Variants in KLF12 observed in about 807,000 individuals in gnomAD.
The protein encoded by KLF12 is Krueppel-like factor 12.
KLF12 carries 9 observed loss-of-function variants against 37.8 expected under a neutral mutation model. That is an observed-to-expected ratio of 0.24 (90% CI 0.14 to 0.42). The LOEUF (loss-of-function observed/expected upper bound fraction) is 0.42. Ranked by LOEUF, KLF12 falls within the 10% of genes least tolerant of loss-of-function variation. The probability of loss-of-function intolerance (pLI) is 1.00; values close to 1 mark genes in which losing one functional copy is unlikely to be tolerated. For synonymous variants in KLF12, 208 were observed against 202.1 expected (o/e 1.03, Z -0.25); for missense variants, 411 against 516.0 (o/e 0.80, Z 1.97).
At chr13:73,784,346 G>T (rs1405354087) in intron 5 of KLF12, among the ~76,000 whole-genome samples, 4 of 151,994 alleles carry the variant, frequency 2.6e-5, no homozygotes, top group Non-Finnish European at 5.9e-5. Context: ...TGACATTAAA[G>T]ACTCTCATGT....
intron 5 of KLF12, among the ~76,000 whole-genome samples, chr13:73,768,139 C>T (rs912114252): frequency 6.6e-6 from 1 of 152,176 alleles, no homozygotes; most frequent in Admixed American, 6.5e-5. Context: ...CGTTTACCAA[C>T]GGTGTCATCT....
intron 3 of KLF12, among the ~76,000 whole-genome samples, chr13:73,881,540 C>G (rs1886978841): frequency 6.6e-6 from 1 of 152,010 alleles, no homozygotes; most frequent in Non-Finnish European, 1.5e-5. Flanking sequence ...ATTTTCTAAT[C>G]TTTTATGTCC....
chr13:74,011,331 T>TA (rs1892546765), intron 1 of KLF12, among the ~76,000 whole-genome samples: 1 of 151,662 alleles, frequency 6.6e-6, no homozygotes, highest in Non-Finnish European at 1.5e-5. Context: ...CTAGAACTGC[T>TA]AGTGGTGATT....
chr13:73,784,525 C>T (rs971990371), intron 5 of KLF12, among the ~76,000 whole-genome samples: 3 of 151,698 alleles, frequency 2.0e-5, no homozygotes, highest in African/African-American at 7.3e-5. Flanking sequence ...TGACCCCCCA[C>T]TCCGCACACA....
chr13:73,937,638 G>A (rs1261689510), intron 3 of KLF12, among the ~76,000 whole-genome samples: 3 of 152,180 alleles, frequency 2.0e-5, no homozygotes, highest in South Asian at 4.1e-4. Flanking sequence ...AGTTGAAAGA[G>A]AAAGTACATT....
the KLF12 span, among the ~76,000 whole-genome samples, chr13:74,287,193 G>T: frequency 6.6e-6 from 1 of 152,192 alleles, no homozygotes; most frequent in South Asian, 2.1e-4. Context: ...GTAAGGGGCT[G>T]GCTGCCGCTT....
chr13:73,918,535 T>A (rs1435953122), intron 3 of KLF12, among the ~76,000 whole-genome samples: 1 of 152,170 alleles, frequency 6.6e-6, no homozygotes, highest in African/African-American at 2.4e-5. Flanking sequence ...GGCCGATTTT[T>A]ATACTTGATA....
intron 5 of KLF12, among the ~76,000 whole-genome samples, chr13:73,789,452 C>A (rs1881535543): frequency 6.6e-6 from 1 of 152,074 alleles, no homozygotes; most frequent in Admixed American, 6.6e-5. Flanking sequence ...CCCTGAGAGA[C>A]CTGGGAGCCA....
intron 4 of KLF12, among the ~76,000 whole-genome samples, chr13:73,835,827 T>C (rs1253796579): frequency 6.6e-6 from 1 of 152,188 alleles, no homozygotes; most frequent in Non-Finnish European, 1.5e-5. Context: ...CTCCATTCTA[T>C]TTCATTTCTT....
the KLF12 span, among the ~76,000 whole-genome samples, chr13:74,295,448 C>G: frequency 6.6e-6 from 1 of 152,258 alleles, no homozygotes; most frequent in East Asian, 1.9e-4. Context: ...GGAGCCTGAG[C>G]CTTTGTACTT....
chr13:73,717,678 A>G (rs1875919247), intron 6 of KLF12, among the ~76,000 whole-genome samples: 1 of 152,240 alleles, frequency 6.6e-6, no homozygotes, highest in South Asian at 2.1e-4. Context: ...TGTATGGCCA[A>G]GCCACTTTTT....
chr13:74,211,582 T>A, the KLF12 span, among the ~76,000 whole-genome samples: 2 of 152,110 alleles, frequency 1.3e-5, no homozygotes, highest in African/African-American at 4.8e-5. Flanking sequence ...TCACAGGAAA[T>A]TTTGAATGTA....
intron 1 of KLF12, among the ~76,000 whole-genome samples, chr13:74,001,691 A>G (rs535052693): frequency 4.7e-4 from 71 of 152,348 alleles, no homozygotes; most frequent in African/African-American, 1.6e-3. Flanking sequence ...CTAGCCCATC[A>G]CAACAATAGT....
At chr13:74,060,820 G>A (rs953761498) in intron 1 of KLF12, among the ~76,000 whole-genome samples, 1 of 151,962 alleles carries the variant, frequency 6.6e-6, no homozygotes, top group Admixed American at 6.6e-5. Context: ...AGGAGTGGTC[G>A]TTTTCTATTT....
chr13:74,217,748 A>C, the KLF12 span, among the ~76,000 whole-genome samples: 1 of 152,230 alleles, frequency 6.6e-6, no homozygotes, highest in Non-Finnish European at 1.5e-5. Context: ...ACAAACAAAC[A>C]AAAACAAAGC....
chr13:74,186,416 C>T, the KLF12 span, among the ~76,000 whole-genome samples: 7 of 152,098 alleles, frequency 4.6e-5, no homozygotes, highest in East Asian at 1.9e-4. Context: ...TGCATGAGAA[C>T]GGCCTGAGTG....
In KLF12 at chr13:73,688,334, C is replaced by T. The variant is rs1873617974; in HGVS notation, c.*7156G>A. On this transcript the variant is annotated 3_prime_UTR_variant, in exon 8 of 8. Coordinates refer to ENST00000377669, the MANE Select transcript of KLF12 (RefSeq NM_007249.5). Reference sequence around the variant, plus strand: ...CTATTTAAAACATTCCACAACAGAGCTGTTAAGTGAGAACTCTGAAAAAGA... The same window carrying T: ...CTATTTAAAACATTCCACAACAGAGTTGTTAAGTGAGAACTCTGAAAAAGA... The T allele has an allele frequency of 6.6e-6, 1 of 152,346 alleles. No individual in the cohort carries two copies. Among genetic ancestry groups the T allele is most frequent in the Non-Finnish European group, 1.5e-5 (1 of 68,016 alleles). 9.4% of individuals were successfully genotyped at this position (152,346 alleles called of 1,614,324 possible). A position where few individuals can be genotyped will look rare whatever the true frequency, so the allele number is the denominator to read the frequency against.
At chr13:73,966,316 T>TCTC (rs144945368) in intron 2 of KLF12, among the ~76,000 whole-genome samples, 7,429 of 152,268 alleles carry the variant, frequency 0.049, 390 homozygotes, top group African/African-American at 0.13. Flanking sequence ...TTTACTTTTC[T>TCTC]CTCTGTTTTC....
chr13:74,060,642 T>C (rs1464088045), intron 1 of KLF12, among the ~76,000 whole-genome samples: 5 of 152,100 alleles, frequency 3.3e-5, no homozygotes, highest in Non-Finnish European at 7.4e-5. Flanking sequence ...TTACTGAAGT[T>C]GTTTATCAAG....
Sources: gnomAD v4.1 joint callset for allele counts (sites outside exome capture counted in the v4.1 genomes callset) on GRCh38, gnomAD v4.1.1 for gene constraint, MANE v1.5 for transcripts, NCBI Gene and HGNC (gene_info 2026-07-23, HGNC 2026-07-21) for gene names.